NPR3: variants seen among roughly 807,000 people sequenced by gnomAD.
NPR3 encodes the protein atrial natriuretic peptide receptor 3.
A neutral mutation model predicts 54.5 loss-of-function variants in NPR3; 34 were observed. The ratio of observed to expected loss-of-function variants is 0.62; its 90% CI spans 0.47 to 0.83. The LOEUF is 0.83. NPR3 is among the 40% of genes least tolerant of loss of function. NPR3 has a pLI of 0.00. For missense variants in NPR3, 674 were observed against 720.8 expected, an observed-to-expected ratio of 0.94 and a Z score of 0.74; for synonymous variants, 289 against 297.1, an observed-to-expected ratio of 0.97 and a Z score of 0.28.
At chr5:32,763,387 A>T (rs1248646179) in intron 3 of NPR3, among the ~76,000 whole-genome samples, 2 of 151,984 alleles carry the variant, frequency 1.3e-5, no homozygotes, top group Non-Finnish European at 2.9e-5. Flanking sequence ...GCAGAGCTGC[A>T]GTGCAGCTCA....
At chr5:32,748,676 A>G (rs1455988101) in intron 3 of NPR3, among the ~76,000 whole-genome samples, 2 of 152,302 alleles carry the variant, frequency 1.3e-5, no homozygotes, top group Admixed American at 1.3e-4. Flanking sequence ...GACCTGGAGG[A>G]GTAATTTTCA....
chr5:32,757,253 A>G (rs1369628158), intron 3 of NPR3, among the ~76,000 whole-genome samples: 3 of 152,158 alleles, frequency 2.0e-5, no homozygotes, highest in African/African-American at 4.8e-5. Context: ...ATGTTCTTCC[A>G]TTTGTTTGTA....
rs1189088214 is a variant in NPR3 at position 32,711,608 on chromosome 5, G to A, written c.-169G>A. 6.4e-6 allele frequency: 8 copies of A among 1,243,988 alleles called. No homozygotes were observed. In the African/African-American group the frequency reaches 1.1e-4, roughly 17 times the overall value. The allele number at this position is 1,243,988 out of a possible 1,614,324, so 77.1% of individuals were successfully genotyped here. On this transcript the variant is annotated 5_prime_UTR_variant, in exon 1 of 8. Transcript: ENST00000265074. ...AACTAGTGACATTGCAGAGAAGGAC[G>A]CTTCCTCTCTATCTTTTGGCGCATT...
At chr5:32,762,212 G>T (rs968137991) in intron 3 of NPR3, among the ~76,000 whole-genome samples, 13 of 152,142 alleles carry the variant, frequency 8.5e-5, no homozygotes, top group Non-Finnish European at 1.8e-4. Context: ...ATTTGGGTTG[G>T]TTCCAAGTCT....
At position 32,777,052 on chromosome 5, in the gene NPR3, C is replaced by G. The variant is rs950145890; in HGVS notation, c.1195+2209C>G. Reference sequence around the variant, plus strand: ...AGTGTCCCCAGAGAGAGCAAGATGGCTAATGTGGCTGACACCAAGTTTGAC... The same window carrying G: ...AGTGTCCCCAGAGAGAGCAAGATGGGTAATGTGGCTGACACCAAGTTTGAC... On this transcript the variant is annotated intron_variant, in intron 4 of 7. Transcript: ENST00000265074. Among the ~76,000 whole-genome samples, 3 of 152,122 alleles carry G rather than the reference C, an allele frequency of 2.0e-5. No individual in the cohort carries two copies. The East Asian group carries it at 5.8e-4, about 29-fold the overall frequency.
intron 1 of NPR3, 44 bp downstream of exon 1, chr5:32,712,589 C>T: frequency 2.7e-6 from 4 of 1,483,300 alleles, no homozygotes; most frequent in Non-Finnish European, 2.7e-6. Flanking sequence ...AACCCAACCG[C>T]TCTCCGCGGC....
intron 3 of NPR3, among the ~76,000 whole-genome samples, chr5:32,750,077 CTG>C (rs1740497458): frequency 6.6e-6 from 1 of 152,184 alleles, no homozygotes; most frequent in African/African-American, 2.4e-5. Context: ...TGCCACCCTT[CTG>C]TGTACACTTT....
At chr5:32,759,127 G>C (rs1436589147) in intron 3 of NPR3, among the ~76,000 whole-genome samples, 2 of 152,140 alleles carry the variant, frequency 1.3e-5, no homozygotes, top group Non-Finnish European at 2.9e-5. Flanking sequence ...GGTCCGCTTG[G>C]TGCAGAGCTG....
At chr5:32,785,791 T>G (rs1742586688) in intron 7 of NPR3, among the ~76,000 whole-genome samples, 1 of 152,238 alleles carries the variant, frequency 6.6e-6, no homozygotes, top group African/African-American at 2.4e-5. Flanking sequence ...TGGTTGAGTT[T>G]GTGGTTTATT....
chr5:32,749,010 T>G (rs1740439120), intron 3 of NPR3, among the ~76,000 whole-genome samples: 1 of 152,202 alleles, frequency 6.6e-6, no homozygotes, highest in Non-Finnish European at 1.5e-5. Flanking sequence ...TTCCAAGAGC[T>G]CTCTCTTGTT....
intron 3 of NPR3, among the ~76,000 whole-genome samples, chr5:32,763,891 T>C (rs1741305034): frequency 6.6e-6 from 1 of 152,218 alleles, no homozygotes; most frequent in Non-Finnish European, 1.5e-5. Flanking sequence ...CTGACGTCCT[T>C]GAACTTTTGG....
chr5:32,712,611 A>G (rs1738317735), intron 1 of NPR3, 66 bp downstream of exon 1: 1 of 1,418,940 alleles, frequency 7.0e-7, no homozygotes, highest in Admixed American at 2.3e-5. Context: ...CTCCCTGCAC[A>G]CTCGTCCACT....
chr5:32,744,769 A>C (rs569929945), intron 3 of NPR3, among the ~76,000 whole-genome samples: 1 of 152,034 alleles, frequency 6.6e-6, no homozygotes, highest in Non-Finnish European at 1.5e-5. Flanking sequence ...ACCCCAGACT[A>C]TGTCATGGTG....
In NPR3 at chr5:32,786,301, G is replaced by A. The variant is rs369440509; in HGVS notation, c.1582G>A (p.Glu528Lys). ...QEESNLGKHR[E>K]LREDSIRSHF... is the part of the protein sequence containing the mutation. Reference sequence around the variant, plus strand: ...AGAAAGTAACCTTGGAAAACATCGGGAATTACGGGAAGATTCCATCAGATC... The same window carrying A: ...AGAAAGTAACCTTGGAAAACATCGGAAATTACGGGAAGATTCCATCAGATC... The change falls in exon 8 of 8, where the codon GAA becomes AAA. Residue 528 changes from glutamate to lysine, a missense_variant. By Grantham distance (56) the Glu-to-Lys change is moderately conservative. Coordinates refer to ENST00000265074, the MANE Select transcript of NPR3 (RefSeq NM_001204375.2). The A allele has an allele frequency of 6.3e-7, 1 of 1,589,714 alleles. No individual in the cohort carries two copies. The highest frequency in any genetic ancestry group is 8.6e-7 in the Non-Finnish European group (1 of 1,161,944).
chr5:32,769,237 A>G (rs1385673797), intron 3 of NPR3, among the ~76,000 whole-genome samples: 1 of 152,168 alleles, frequency 6.6e-6, no homozygotes. Flanking sequence ...ACAAAAATCG[A>G]TATTCTATTT....
chr5:32,749,804 A>G (rs868652688), intron 3 of NPR3, among the ~76,000 whole-genome samples: 1 of 152,192 alleles, frequency 6.6e-6, no homozygotes, highest in Middle Eastern at 3.2e-3. Context: ...TGGCTTCAAC[A>G]TCTTCAGACA....
At chr5:32,717,646 A>T (rs1023069128) in intron 1 of NPR3, among the ~76,000 whole-genome samples, 2 of 152,184 alleles carry the variant, frequency 1.3e-5, no homozygotes, top group African/African-American at 4.8e-5. Flanking sequence ...GGCTGCATAA[A>T]TGTCTTCCTT....
chr5:32,719,785 G>GTT (rs201377152), intron 1 of NPR3, among the ~76,000 whole-genome samples: 20 of 91,158 alleles, frequency 2.2e-4, no homozygotes, highest in African/African-American at 6.3e-4. Flanking sequence ...CTATGTTGTT[G>GTT]TTGTTTTTTT....
chr5:32,763,083 T>A (rs1049908250), intron 3 of NPR3, among the ~76,000 whole-genome samples: 1 of 152,228 alleles, frequency 6.6e-6, no homozygotes, highest in Non-Finnish European at 1.5e-5. Flanking sequence ...ATTTATTAAC[T>A]AGGGAATCCT....
Sources: gnomAD v4.1 joint callset for allele counts (sites outside exome capture counted in the v4.1 genomes callset) on GRCh38, gnomAD v4.1.1 for gene constraint, MANE v1.5 for transcripts, NCBI Gene and HGNC (gene_info 2026-07-23, HGNC 2026-07-21) for gene names.